EBAG9: variants seen among roughly 807,000 people sequenced by gnomAD.
The protein encoded by EBAG9 is receptor-binding cancer antigen expressed on SiSo cells.
In EBAG9, 16 loss-of-function variants were observed where a neutral mutation model predicts 30.9. The ratio of observed to expected loss-of-function variants is 0.52; its 90% CI spans 0.35 to 0.79. EBAG9 has a LOEUF of 0.79. Among genes scored for constraint, EBAG9 ranks in the 30% least tolerant of loss-of-function variants. EBAG9 has a pLI of 0.01. For missense variants in EBAG9, 197 were observed against 242.1 expected (o/e 0.81, Z 1.24); for synonymous variants, 93 against 82.8 (o/e 1.12, Z -0.67).
Position 109,546,050 on chromosome 8 carries a change from G to C in EBAG9, c.-15-4760G>C, listed in dbSNP as rs555119767. The stretch of plus-strand genomic sequence containing the variant: ...TATTACAGTATATTGAAATGCTATT[G>C]TGAAATCAGATTTCTGTTTTTAGAG... On this transcript the variant is annotated intron_variant, in intron 1 of 6. Transcript: ENST00000337573. Among the ~76,000 whole-genome samples the C allele has an allele frequency of 2.0e-5, 3 of 152,302 alleles. No individual in the cohort carries two copies. The South Asian group carries it at 6.2e-4, about 32-fold the overall frequency.
intron 5 of EBAG9, among the ~76,000 whole-genome samples, chr8:109,559,978 AAC>A (rs10590199): frequency 0.12 from 18,749 of 152,254 alleles, 1,277 homozygotes; most frequent in South Asian, 0.28. Context: ...AAGAATTTTT[AAC>A]AGAGTATGGT....
At chr8:109,553,287 T>A (rs1563655299) in intron 2 of EBAG9, among the ~76,000 whole-genome samples, 2 of 152,202 alleles carry the variant, frequency 1.3e-5, no homozygotes, top group Non-Finnish European at 2.9e-5. Flanking sequence ...TAACTAGACA[T>A]AATAGAAGTA....
At chr8:109,555,574 G>T (rs987484880) in intron 4 of EBAG9, among the ~76,000 whole-genome samples, 1 of 152,122 alleles carries the variant, frequency 6.6e-6, no homozygotes, top group African/African-American at 2.4e-5. Flanking sequence ...AGGTGAATTG[G>T]ATAAGAGTTC....
chr8:109,563,649 CAT>C (rs147615814), intron 6 of EBAG9: 61,417 of 1,123,054 alleles, frequency 0.055, 1,909 homozygotes, highest in Admixed American at 0.11. Flanking sequence ...CACAGGTAAA[CAT>C]GTGTCAAGGG....
At chr8:109,559,226 G>A (rs191337133) in intron 5 of EBAG9, among the ~76,000 whole-genome samples, 34 of 152,228 alleles carry the variant, frequency 2.2e-4, no homozygotes, top group African/African-American at 7.2e-4. Context: ...GGAGGCCAAG[G>A]CGGGCAGGTC....
intron 1 of EBAG9, among the ~76,000 whole-genome samples, chr8:109,541,286 T>C (rs1821269511): frequency 1.3e-5 from 2 of 148,366 alleles, no homozygotes. Context: ...CGTAAGATAC[T>C]TATCAAATTG....
intron 5 of EBAG9, among the ~76,000 whole-genome samples, chr8:109,557,329 G>A (rs1354596857): frequency 6.6e-6 from 1 of 152,170 alleles, no homozygotes; most frequent in African/African-American, 2.4e-5. Flanking sequence ...TAAAATGAGA[G>A]ATTAACCCTA....
intron 1 of EBAG9, chr8:109,550,427 G>GT (rs1224415172): frequency 6.5e-6 from 1 of 154,626 alleles, no homozygotes; most frequent in Non-Finnish European, 1.4e-5. Context: ...TCATCTGCAA[G>GT]TTAAAAATAT....
chr8:109,551,773 A>T (rs1286272874), intron 2 of EBAG9, among the ~76,000 whole-genome samples: 1 of 152,190 alleles, frequency 6.6e-6, no homozygotes, highest in Non-Finnish European at 1.5e-5. Context: ...AACAAGAATG[A>T]TGGTCTCCAG....
intron 2 of EBAG9, 62 bp from the exon 3 acceptor site, chr8:109,553,803 T>C: frequency 7.6e-7 from 1 of 1,311,312 alleles, no homozygotes; most frequent in Non-Finnish European, 1.1e-6. Context: ...CCATACATAA[T>C]AGTGCTTTTA....
chr8:109,563,265 A>C, intron 6 of EBAG9: 2 of 956,564 alleles, frequency 2.1e-6, no homozygotes, highest in East Asian at 2.4e-5. Context: ...GAGCTCCCCC[A>C]GACATAGATA....
At chr8:109,546,136 TCTAGAAAGTAACAA>T (rs1821379644) in intron 1 of EBAG9, among the ~76,000 whole-genome samples, 1 of 152,226 alleles carries the variant, frequency 6.6e-6, no homozygotes, top group Non-Finnish European at 1.5e-5. Context: ...AAGTTGGCTT[TCTAGAAAGTAACAA>T]ATAATTGATA....
At chr8:109,540,911 G>C (rs912241272) in intron 1 of EBAG9, among the ~76,000 whole-genome samples, 2 of 152,112 alleles carry the variant, frequency 1.3e-5, no homozygotes, top group African/African-American at 4.8e-5. Flanking sequence ...CATAGATTTT[G>C]GCTTTGCTTG....
chr8:109,564,644 A>T lies in EBAG9; in HGVS notation c.*85A>T, dbSNP rs1293807435. 19 of 1,555,596 alleles carry T rather than the reference A, an allele frequency of 1.2e-5. No individual in the cohort carries two copies. The East Asian group carries it at 4.1e-4, about 33-fold the overall frequency. ...ATTTGTATGGATTTAAGAGTATTTT[A>T]AGAAGACATACTGCTTGATTTTAAT... On this transcript the variant is annotated 3_prime_UTR_variant, in exon 7 of 7. Transcript: ENST00000337573.
rs553783376 is a variant in EBAG9, at chr8:109,565,646, C to T, written c.*1087C>T. The T allele has an allele frequency of 4.6e-5, 7 of 152,082 alleles. No individual in the cohort carries two copies. The highest frequency in any genetic ancestry group is 1.9e-4 in the East Asian group (1 of 5,186). 9.4% of individuals were successfully genotyped at this position (152,082 alleles called of 1,614,324 possible). ...TTTAAAATCCCATTAACCTTTTCAC[C>T]GCAGTTGAAATGCATCCAGCCTGAT... On this transcript the variant is annotated 3_prime_UTR_variant, in exon 7 of 7. Coordinates refer to ENST00000337573, the MANE Select transcript of EBAG9 (RefSeq NM_004215.5).
intron 2 of EBAG9, 87 bp downstream of exon 2, chr8:109,550,994 A>G: frequency 1.2e-6 from 1 of 808,726 alleles, no homozygotes; most frequent in Non-Finnish European, 2.0e-6. Flanking sequence ...TGGACAGGAC[A>G]GGTTATATTT....
intron 1 of EBAG9, among the ~76,000 whole-genome samples, chr8:109,544,607 G>A (rs1017330012): frequency 1.3e-5 from 2 of 152,122 alleles, no homozygotes; most frequent in Non-Finnish European, 2.9e-5. Flanking sequence ...CTCCTCCTTT[G>A]ACAAAGAGAA....
chr8:109,545,187 T>G (rs112650799), intron 1 of EBAG9, among the ~76,000 whole-genome samples: 18,700 of 151,370 alleles, frequency 0.12, 1,282 homozygotes, highest in South Asian at 0.28. Flanking sequence ...CCTGGTGTGG[T>G]GGCAGGCACC....
At chr8:109,553,805 G>C (rs1821540950) in intron 2 of EBAG9, 60 bp from the exon 3 acceptor site, 3 of 1,339,568 alleles carry the variant, frequency 2.2e-6, no homozygotes, top group South Asian at 2.6e-5. Context: ...ATACATAATA[G>C]TGCTTTTACT....
Sources: gnomAD v4.1 joint callset for allele counts (sites outside exome capture counted in the v4.1 genomes callset) on GRCh38, gnomAD v4.1.1 for gene constraint, MANE v1.5 for transcripts, NCBI Gene and HGNC (gene_info 2026-07-23, HGNC 2026-07-21) for gene names.